GSK3B: variants seen among roughly 807,000 people sequenced by gnomAD.
The protein encoded by GSK3B is glycogen synthase kinase-3 beta.
Under a neutral mutation model 56.4 loss-of-function variants are expected in GSK3B, and 15 were observed. That is an observed-to-expected ratio of 0.27 (90% CI 0.18 to 0.41). The LOEUF is 0.41. GSK3B is among the 10% of genes least tolerant of loss of function. GSK3B has a pLI of 1.00. For synonymous variants in GSK3B, 181 were observed against 188.9 expected (o/e 0.96, Z 0.34); for missense variants, 300 against 513.4 (o/e 0.58, Z 4.02).
At chr3:119,928,966 T>A (rs1400328917) in intron 3 of GSK3B, among the ~76,000 whole-genome samples, 1 of 152,212 alleles carries the variant, frequency 6.6e-6, no homozygotes, top group Non-Finnish European at 1.5e-5. Flanking sequence ...GCTATTTTCA[T>A]CCTTAAAAAA....
chr3:120,083,033 A>C (rs2058434338), intron 1 of GSK3B, among the ~76,000 whole-genome samples: 1 of 152,184 alleles, frequency 6.6e-6, no homozygotes, highest in Non-Finnish European at 1.5e-5. Context: ...ATCACTTAAT[A>C]AAATGATACA....
intron 1 of GSK3B, among the ~76,000 whole-genome samples, chr3:120,062,093 T>C (rs904441144): frequency 3.9e-5 from 6 of 152,184 alleles, no homozygotes; most frequent in African/African-American, 9.6e-5. Flanking sequence ...CAACTAAGTA[T>C]TGCATTTCTA....
chr3:119,878,078 T>A (rs1262664607), intron 7 of GSK3B, among the ~76,000 whole-genome samples: 1 of 152,210 alleles, frequency 6.6e-6, no homozygotes, highest in Non-Finnish European at 1.5e-5. Flanking sequence ...GAATTTGTTA[T>A]GTTTTTGTTG....
chr3:120,031,325 A>G (rs73175888), intron 1 of GSK3B, among the ~76,000 whole-genome samples: 13,000 of 152,294 alleles, frequency 0.085, 688 homozygotes, highest in Non-Finnish European at 0.11. Flanking sequence ...AGAAAAAGCA[A>G]TAATTACATT....
chr3:120,028,844 G>A (rs535423057), intron 1 of GSK3B: 17 of 432,082 alleles, frequency 3.9e-5, no homozygotes, highest in Middle Eastern at 6.4e-4. Flanking sequence ...CCCTAGCCCC[G>A]CCACGGCTGC....
chr3:120,032,458 G>C (rs759558967), intron 1 of GSK3B, among the ~76,000 whole-genome samples: 5 of 150,774 alleles, frequency 3.3e-5, no homozygotes, highest in Non-Finnish European at 7.4e-5. Flanking sequence ...CTGGGCAACA[G>C]AGTGAGACTC....
intron 7 of GSK3B, among the ~76,000 whole-genome samples, chr3:119,877,484 A>G (rs553357836): frequency 3.7e-4 from 56 of 152,268 alleles, no homozygotes; most frequent in South Asian, 3.1e-3. Context: ...GTATTTTTAA[A>G]TTGTTATTTT....
At chr3:119,863,675 T>A (rs542483780) in intron 8 of GSK3B, 70 bp from the exon 9 acceptor site, 2 of 909,908 alleles carry the variant, frequency 2.2e-6, no homozygotes, top group South Asian at 1.6e-5. Context: ...ACCCTGTGAA[T>A]AATGACTTAA....
chr3:119,868,720 C>T (rs947679555), intron 8 of GSK3B, among the ~76,000 whole-genome samples: 2 of 152,166 alleles, frequency 1.3e-5, no homozygotes, highest in Admixed American at 6.5e-5. Flanking sequence ...AGCTATTCCT[C>T]ATTAGTTTTT....
intron 3 of GSK3B, among the ~76,000 whole-genome samples, chr3:119,942,273 T>G (rs1280007104): frequency 1.3e-5 from 2 of 152,176 alleles, no homozygotes; most frequent in Non-Finnish European, 1.5e-5. Flanking sequence ...TTAAGGATCT[T>G]GTGAAGACAT....
At chr3:119,849,978 G>A (rs778905963) in intron 9 of GSK3B, among the ~76,000 whole-genome samples, 8 of 151,916 alleles carry the variant, frequency 5.3e-5, no homozygotes, top group Non-Finnish European at 1.2e-4. Flanking sequence ...TTATAATACC[G>A]AATACAATGT....
chr3:120,028,376 C>T (rs774658449), intron 1 of GSK3B, among the ~76,000 whole-genome samples: 19 of 152,182 alleles, frequency 1.2e-4, no homozygotes, highest in Non-Finnish European at 2.5e-4. Flanking sequence ...AGAAACTAGT[C>T]CTTTACCCAA....
At chr3:119,986,418 T>A (rs148028230) in intron 2 of GSK3B, among the ~76,000 whole-genome samples, 13 of 151,386 alleles carry the variant, frequency 8.6e-5, no homozygotes, top group Non-Finnish European at 1.6e-4. Flanking sequence ...TGGGAGAAAA[T>A]TTTTGCAATC....
chr3:119,870,094 C>T (rs1054220982), intron 8 of GSK3B, among the ~76,000 whole-genome samples: 3 of 152,200 alleles, frequency 2.0e-5, no homozygotes, highest in Non-Finnish European at 2.9e-5. Flanking sequence ...ACCTTTTCTA[C>T]ACCTAGGCAA....
chr3:120,075,234 TATA>T (rs1178411498), intron 1 of GSK3B, among the ~76,000 whole-genome samples: 1 of 152,148 alleles, frequency 6.6e-6, no homozygotes, highest in African/African-American at 2.4e-5. Context: ...AGTTCCTCAG[TATA>T]ATAAGGCCAT....
intron 9 of GSK3B, chr3:119,843,746 T>A (rs1179543811): frequency 1.3e-5 from 2 of 156,696 alleles, no homozygotes; most frequent in Non-Finnish European, 2.8e-5. Context: ...CACCACATTG[T>A]CAGTATTACA....
At chr3:119,919,063 CAAT>C (rs1474632674) in intron 4 of GSK3B, among the ~76,000 whole-genome samples, 5 of 152,144 alleles carry the variant, frequency 3.3e-5, no homozygotes, top group Admixed American at 6.5e-5. Flanking sequence ...AAGTTCACAA[CAAT>C]GATTTGCCAG....
chr3:119,855,743 A>G (rs941140850), intron 9 of GSK3B, among the ~76,000 whole-genome samples: 1 of 151,004 alleles, frequency 6.6e-6, no homozygotes, highest in Non-Finnish European at 1.5e-5. Context: ...AAAACCAAAC[A>G]CTGCATGTTC....
intron 1 of GSK3B, among the ~76,000 whole-genome samples, chr3:120,033,620 C>T (rs2057996601): frequency 6.6e-6 from 1 of 152,174 alleles, no homozygotes; most frequent in South Asian, 2.1e-4. Context: ...TGTGTCCCCA[C>T]CCAAATCTCA....
Sources: allele counts gnomAD v4.1 joint callset (sites outside exome capture counted in the v4.1 genomes callset), GRCh38; gene constraint gnomAD v4.1.1; transcripts MANE v1.5; gene names NCBI Gene and HGNC (gene_info 2026-07-23, HGNC 2026-07-21).